The following GRIP1 variants were observed in gnomAD, a reference collection of about 807,000 sequenced individuals.
GRIP1 encodes the protein glutamate receptor interacting protein 1, also known as glutamate receptor-interacting protein 1.
Under a neutral mutation model 129.9 loss-of-function variants are expected in GRIP1, and 45 were observed. The observed-to-expected ratio is 0.35, with a 90% confidence interval of 0.27 to 0.44. The LOEUF (loss-of-function observed/expected upper bound fraction) is 0.44, where lower values mean the gene tolerates loss of function less well. Among genes scored for constraint, GRIP1 ranks in the 20% least tolerant of loss-of-function variants. GRIP1 has a pLI of 1.00. For synonymous variants in GRIP1, 530 were observed against 520.8 expected (o/e 1.02, Z -0.24); for missense variants, 1,196 against 1,396.8 (o/e 0.86, Z 2.29).
intron 11 of GRIP1, among the ~76,000 whole-genome samples, chr12:66,447,267 T>C (rs373795267): frequency 6.6e-6 from 1 of 152,326 alleles, no homozygotes. Context: ...CTCATGGGAT[T>C]TTCCTATACC....
chr12:66,482,430 C>T (rs2059832105), intron 7 of GRIP1, among the ~76,000 whole-genome samples: 2 of 152,188 alleles, frequency 1.3e-5, no homozygotes, highest in Admixed American at 1.3e-4. Flanking sequence ...TTAGCAACTA[C>T]TGTTTTCCAG....
intron 1 of GRIP1, among the ~76,000 whole-genome samples, chr12:66,745,751 G>A (rs2036924697): frequency 6.6e-6 from 1 of 152,150 alleles, no homozygotes; most frequent in African/African-American, 2.4e-5. Context: ...AAAGGAAAGA[G>A]GTAAAGATAG....
intron 7 of GRIP1, among the ~76,000 whole-genome samples, chr12:66,473,864 G>T (rs2059520446): frequency 6.6e-6 from 1 of 152,152 alleles, no homozygotes; most frequent in Non-Finnish European, 1.5e-5. Context: ...ATAAATCCAT[G>T]AAGATGAAGA....
intron 1 of GRIP1, among the ~76,000 whole-genome samples, chr12:67,032,065 A>T (rs750976543): frequency 2.6e-5 from 4 of 152,088 alleles, no homozygotes; most frequent in Non-Finnish European, 5.9e-5. Context: ...CTCTCCATAA[A>T]GCCTTTCCTA....
At chr12:66,788,323 T>C (rs2038423500) in intron 1 of GRIP1, among the ~76,000 whole-genome samples, 1 of 151,968 alleles carries the variant, frequency 6.6e-6, no homozygotes, top group African/African-American at 2.4e-5. Context: ...TTGAGGTCAG[T>C]CTGCTGGAAT....
chr12:67,059,052 T>G (rs1399830672), intron 1 of GRIP1, among the ~76,000 whole-genome samples: 1 of 152,206 alleles, frequency 6.6e-6, no homozygotes, highest in Non-Finnish European at 1.5e-5. Context: ...TCACCTAGCA[T>G]GAAGGCCCCC....
At chr12:66,896,257 GA>G (rs560398419) in intron 1 of GRIP1, among the ~76,000 whole-genome samples, 261 of 152,204 alleles carry the variant, frequency 1.7e-3, no homozygotes, top group African/African-American at 6.1e-3. Context: ...TGTGGTGATG[GA>G]ACTGCTAACT....
intron 1 of GRIP1, among the ~76,000 whole-genome samples, chr12:67,048,986 G>A (rs991536210): frequency 6.6e-6 from 1 of 151,932 alleles, no homozygotes; most frequent in Admixed American, 6.6e-5. Flanking sequence ...TCCCACACCT[G>A]GCTAATTTTT....
At chr12:66,448,112 C>T (rs1293950859) in intron 11 of GRIP1, among the ~76,000 whole-genome samples, 1 of 152,034 alleles carries the variant, frequency 6.6e-6, no homozygotes, top group East Asian at 1.9e-4. Context: ...TTGTTTTTGT[C>T]AAGCTCCAGT....
At chr12:66,489,266 G>C (rs1354556077) in intron 7 of GRIP1, among the ~76,000 whole-genome samples, 1 of 152,040 alleles carries the variant, frequency 6.6e-6, no homozygotes, top group Non-Finnish European at 1.5e-5. Flanking sequence ...ACACCAAAAG[G>C]CTTATCCACC....
At chr12:66,669,941 T>C (rs1038247805) in intron 1 of GRIP1, among the ~76,000 whole-genome samples, 2 of 152,208 alleles carry the variant, frequency 1.3e-5, no homozygotes, top group Non-Finnish European at 2.9e-5. Flanking sequence ...ATTTATATAA[T>C]TTTAAATGAT....
chr12:66,954,815 T>C (rs1425585225), intron 1 of GRIP1, among the ~76,000 whole-genome samples: 1 of 151,708 alleles, frequency 6.6e-6, no homozygotes, highest in Non-Finnish European at 1.5e-5. Context: ...ATATAAAATA[T>C]ATAATTTATT....
At chr12:66,647,283 T>A (rs1271649085) in intron 1 of GRIP1, 1 of 152,216 alleles carries the variant, frequency 6.6e-6, no homozygotes, top group East Asian at 1.9e-4. Context: ...CATGTGACAA[T>A]AATATACACA....
intron 1 of GRIP1, among the ~76,000 whole-genome samples, chr12:67,050,677 T>C (rs1656011036): frequency 6.6e-6 from 1 of 152,098 alleles, no homozygotes; most frequent in South Asian, 2.1e-4. Context: ...GTCCCAAATG[T>C]CACTACTACT....
At chr12:66,919,915 CT>C (rs796509374) in intron 1 of GRIP1, among the ~76,000 whole-genome samples, 23 of 152,088 alleles carry the variant, frequency 1.5e-4, no homozygotes, top group African/African-American at 5.5e-4. Flanking sequence ...TATAGATGTA[CT>C]TATCTGTACA....
chr12:66,450,730 CATTTG>C (rs1361969012), intron 11 of GRIP1, among the ~76,000 whole-genome samples: 1 of 151,936 alleles, frequency 6.6e-6, no homozygotes, highest in African/African-American at 2.4e-5. Context: ...AGCAAAATTT[CATTTG>C]AAATTATATG....
At chr12:67,030,197 C>T (rs979248883) in intron 1 of GRIP1, among the ~76,000 whole-genome samples, 1 of 148,304 alleles carries the variant, frequency 6.7e-6, no homozygotes, top group African/African-American at 2.5e-5. Flanking sequence ...GGTAACAGAG[C>T]GAGACTCTGT....
At chr12:66,775,993 C>T (rs773126789) in intron 1 of GRIP1, among the ~76,000 whole-genome samples, 10 of 152,186 alleles carry the variant, frequency 6.6e-5, no homozygotes, top group Non-Finnish European at 1.0e-4. Flanking sequence ...GGGACCCACA[C>T]GTTCTGGGAA....
chr12:67,037,642 T>G (rs2043118464), intron 1 of GRIP1: 1 of 152,150 alleles, frequency 6.6e-6, no homozygotes, highest in African/African-American at 2.4e-5. Context: ...AACAGTTAAA[T>G]TAGGTATTTA....
Sources: allele counts gnomAD v4.1 joint callset (sites outside exome capture counted in the v4.1 genomes callset), GRCh38; gene constraint gnomAD v4.1.1; transcripts MANE v1.5; gene names NCBI Gene and HGNC (gene_info 2026-07-23, HGNC 2026-07-21).